The following PUDP variants were observed in gnomAD, a reference collection of about 807,000 sequenced individuals.
PUDP encodes pseudouridine-5'-phosphatase.
In PUDP, 8 loss-of-function variants were observed where a neutral mutation model predicts 9.4. The observed-to-expected ratio is 0.85, with a 90% CI of 0.50 to 1.53. PUDP has a LOEUF of 1.53. Ranked by LOEUF, PUDP falls within the 40% of genes most tolerant of loss-of-function variation. The pLI is 0.00. For synonymous variants in PUDP, 99 were observed against 80.7 expected (o/e 1.23, Z -1.22); for missense variants, 188 against 189.7 (o/e 0.99, Z 0.05).
At position 7,134,124 on chromosome X, in the gene PUDP, T is replaced by G. The variant is rs1208413516; in HGVS notation, c.61+13929A>C. Among the ~76,000 whole-genome samples the G allele has an allele frequency of 2.7e-5, 3 of 112,167 alleles. No individual in the cohort carries two copies. The East Asian group carries it at 8.4e-4, about 31-fold the overall frequency. ...ACAGAGGATGGGTAATTTTACTAAATCAGTACAGTAAGTAAGTTGTCAATG... is the reference window on the plus strand; with the variant it reads ...ACAGAGGATGGGTAATTTTACTAAAGCAGTACAGTAAGTAAGTTGTCAATG... On this transcript the variant is annotated intron_variant, in intron 1 of 3. Transcript: ENST00000381077.
chrX:7,147,918 G>T, intron 1 of PUDP, 135 bp downstream of exon 1: 1 of 451,286 alleles, frequency 2.2e-6, no homozygotes, highest in Non-Finnish European at 3.6e-6. Context: ...CGGGGGCAGA[G>T]CGCGCGGGAG....
At chrX:6,999,320 A>T (rs775255934) in intron 1 of PUDP, among the ~76,000 whole-genome samples, 1 of 111,875 alleles carries the variant, frequency 8.9e-6, no homozygotes, top group African/African-American at 3.3e-5. Flanking sequence ...AACACTCTAT[A>T]AAAAAAGTTT....
intron 1 of PUDP, among the ~76,000 whole-genome samples, chrX:6,992,621 T>C (rs367855136): frequency 1.8e-5 from 2 of 110,151 alleles, no homozygotes; most frequent in South Asian, 7.9e-4. Context: ...CCAAAGGCAG[T>C]GGGGTGTAGG....
At chrX:6,932,733 G>A (rs753958355) in intron 3 of PUDP, among the ~76,000 whole-genome samples, 101 of 111,848 alleles carry the variant, frequency 9.0e-4, no homozygotes, top group East Asian at 4.6e-3. Flanking sequence ...AAGGGGTGAC[G>A]GACGCACCTG....
chrX:6,983,934 C>T (rs1929071238), intron 1 of PUDP, among the ~76,000 whole-genome samples: 2 of 112,329 alleles, frequency 1.8e-5, no homozygotes, highest in Admixed American at 1.9e-4. Flanking sequence ...ACCGTTGATC[C>T]CCTATGCTCG....
intron 1 of PUDP, among the ~76,000 whole-genome samples, chrX:7,027,516 AATATAT>A (rs1197941758): frequency 9.6e-6 from 1 of 104,293 alleles, no homozygotes; most frequent in Non-Finnish European, 1.9e-5. Context: ...ATATAGAGAG[AATATAT>A]ATATATTCAC....
At chrX:6,951,584 T>C (rs1928560375) in intron 3 of PUDP, among the ~76,000 whole-genome samples, 1 of 111,445 alleles carries the variant, frequency 9.0e-6, no homozygotes, top group African/African-American at 3.3e-5. Context: ...TAATGACACC[T>C]GAAACCATTT....
chrX:7,054,222 A>C (rs754321589), intron 3 of PUDP, among the ~76,000 whole-genome samples: 13 of 111,315 alleles, frequency 1.2e-4, no homozygotes, highest in African/African-American at 4.2e-4. Context: ...CAGCCTGGCC[A>C]ACATGGTAAA....
chrX:6,963,931 C>T (rs768897114), intron 3 of PUDP, among the ~76,000 whole-genome samples: 9 of 112,146 alleles, frequency 8.0e-5, no homozygotes, highest in Admixed American at 3.8e-4. Context: ...ATTGACTCTT[C>T]GGTGAGTGTT....
chrX:6,894,257 T>A (rs1312786709), intron 3 of PUDP, among the ~76,000 whole-genome samples: 1 of 110,599 alleles, frequency 9.0e-6, no homozygotes, highest in Non-Finnish European at 1.9e-5. Flanking sequence ...GAGCGTAAAA[T>A]AAAAGTTGAA....
At chrX:6,770,560 A>G (rs769406194) in intron 3 of PUDP, among the ~76,000 whole-genome samples, 25 of 111,103 alleles carry the variant, frequency 2.3e-4, no homozygotes, top group South Asian at 1.2e-3. Context: ...TATCTACAGA[A>G]AGTCAGCACA....
At chrX:7,122,743 T>C (rs759392124) in intron 1 of PUDP, among the ~76,000 whole-genome samples, 45 of 112,026 alleles carry the variant, frequency 4.0e-4, no homozygotes, top group Non-Finnish European at 6.6e-4. Flanking sequence ...ATCACCCGAT[T>C]ACATGCACCT....
chrX:6,912,882 A>G (rs1037533033), intron 3 of PUDP, among the ~76,000 whole-genome samples: 3 of 112,138 alleles, frequency 2.7e-5, no homozygotes, highest in African/African-American at 9.7e-5. Context: ...ATCATTCCAA[A>G]TCATTTTCTC....
intron 3 of PUDP, among the ~76,000 whole-genome samples, chrX:6,912,610 G>A (rs1927865552): frequency 8.9e-6 from 1 of 111,863 alleles, no homozygotes; most frequent in African/African-American, 3.2e-5. Flanking sequence ...TTCCTGGTCA[G>A]CCAGGACAAT....
At chrX:7,116,475 C>T (rs1335988039) in intron 1 of PUDP, among the ~76,000 whole-genome samples, 1 of 111,403 alleles carries the variant, frequency 9.0e-6, no homozygotes, top group Non-Finnish European at 1.9e-5. Context: ...TAGCAAACCC[C>T]TAGCATGTTC....
chrX:7,074,287 C>T (rs144428070), intron 3 of PUDP, among the ~76,000 whole-genome samples: 1,751 of 112,201 alleles, frequency 0.016, 19 homozygotes, highest in Non-Finnish European at 0.025. Context: ...GGATTGCTGA[C>T]GCCCAGGAAA....
intron 1 of PUDP, among the ~76,000 whole-genome samples, chrX:7,108,170 T>C (rs1931940373): frequency 8.9e-6 from 1 of 112,658 alleles, no homozygotes; most frequent in Non-Finnish European, 1.9e-5. Context: ...TTCAGCAGCA[T>C]CCAAACTGCA....
chrX:6,932,695 T>G (rs1389823851), intron 3 of PUDP, among the ~76,000 whole-genome samples: 3 of 111,395 alleles, frequency 2.7e-5, no homozygotes, highest in Non-Finnish European at 3.8e-5. Flanking sequence ...GCGCAAGGGG[T>G]CAGGGAGTTC....
At chrX:7,060,715 C>T (rs1602739157) in intron 3 of PUDP, among the ~76,000 whole-genome samples, 1 of 112,661 alleles carries the variant, frequency 8.9e-6, no homozygotes. Flanking sequence ...AATTCATTTG[C>T]CTTGTTTTCT....
Sources: allele counts gnomAD v4.1 joint callset (sites outside exome capture counted in the v4.1 genomes callset), GRCh38; gene constraint gnomAD v4.1.1; transcripts MANE v1.5; gene names NCBI Gene and HGNC (gene_info 2026-07-23, HGNC 2026-07-21).